Variants in CCDC158 observed in about 807,000 individuals in gnomAD.
The protein encoded by CCDC158 is coiled-coil domain-containing protein 158.
In CCDC158, 116 loss-of-function variants were observed where a neutral mutation model predicts 138.6. That is an observed-to-expected ratio of 0.84 (90% CI 0.72 to 0.98). CCDC158 has a LOEUF of 0.98. CCDC158 is among the 50% of genes least tolerant of loss of function. The pLI, the probability that CCDC158 is intolerant of heterozygous loss-of-function variation, is 0.00. For synonymous variants in CCDC158, 436 were observed against 442.4 expected, an observed-to-expected ratio of 0.99 and a Z score of 0.18; for missense variants, 1,265 against 1,306.1, an observed-to-expected ratio of 0.97 and a Z score of 0.48.
chr4:76,371,442 A>G lies in CCDC158; in HGVS notation c.1124T>C (p.Leu375Ser). The change falls in exon 10 of 25, where the codon TTA (leucine) becomes TCA (serine). Residue 375 changes from leucine to serine, a missense_variant. Leu to Ser is a moderately radical substitution (Grantham distance 145). Transcript: ENST00000682701. ...CAACAGCTTTTGAAGTTGATCATCT[A>G]AATTTCCAGATTCCTGACTGAATTG... ...RDQFSQESGNLDDQLQKLLAD... is the reference protein window; with the variant it reads ...RDQFSQESGNSDDQLQKLLAD... 6.2e-7 allele frequency: 1 copy of G among 1,614,106 alleles called. No homozygotes were observed. The highest frequency in any genetic ancestry group is 8.5e-7 in the Non-Finnish European group (1 of 1,179,980).
At position 76,403,221 on chromosome 4, in the gene CCDC158, ACTT is replaced by A; in HGVS notation, c.-17_-15del. On this transcript the variant is annotated 5_prime_UTR_variant, in exon 3 of 25. Transcript: ENST00000682701. ...TTTTGATTCCATATTAAATATTGCTACTTCTTATTAGAGATCTTGAAGTATGAA... is the reference window on the plus strand; with the variant it reads ...TTTTGATTCCATATTAAATATTGCTACTTATTAGAGATCTTGAAGTATGAA... 2 of 1,551,422 alleles carry A rather than the reference ACTT, an allele frequency of 1.3e-6. No individual in the cohort carries two copies. Among genetic ancestry groups the A allele is most frequent in the East Asian group, 2.3e-5 (1 of 43,990 alleles).
chr4:76,354,232 G>GCA (rs1723322071), intron 15 of CCDC158, among the ~76,000 whole-genome samples: 1 of 26,276 alleles, frequency 3.8e-5, no homozygotes, highest in African/African-American at 1.8e-4. Flanking sequence ...GTTCCCAAAG[G>GCA]CAAAAAAAAA....
intron 22 of CCDC158, among the ~76,000 whole-genome samples, 162 bp downstream of exon 22, chr4:76,328,738 T>A (rs1212913134): frequency 6.6e-6 from 1 of 152,126 alleles, no homozygotes; most frequent in African/African-American, 2.4e-5. Context: ...AAGGAACAGT[T>A]TGAGAGTGGA....
intron 15 of CCDC158, 100 bp from the exon 16 acceptor site, chr4:76,353,381 G>C (rs1723238960): frequency 2.2e-6 from 2 of 912,372 alleles, no homozygotes; most frequent in Admixed American, 3.1e-5. Flanking sequence ...CCCTGAACTA[G>C]GTAAGTTTAA....
intron 13 of CCDC158, among the ~76,000 whole-genome samples, chr4:76,361,870 C>G (rs1042707185): frequency 8.5e-5 from 13 of 152,182 alleles, no homozygotes; most frequent in African/African-American, 3.1e-4. Context: ...ACACCTCACA[C>G]TTCTCTTAGA....
In CCDC158 at chr4:76,367,424, A is replaced by C. The variant is rs541344372; in HGVS notation, c.1700T>G (p.Leu567Arg). The change falls in exon 12 of 25, where the codon CTG (leucine) becomes CGG (arginine). Residue 567 changes from leucine to arginine, a missense_variant. By Grantham distance (102) the Leu-to-Arg change is moderately radical (BLOSUM62 -2). Transcript: ENST00000682701. ...TGTCATGTTCTCAATCTGCTGTCGCAGAATCTCGATCACCTTGTCCTTCTC... is the reference window on the plus strand; with the variant it reads ...TGTCATGTTCTCAATCTGCTGTCGCCGAATCTCGATCACCTTGTCCTTCTC... ...MTEKDKVIEI[L>R]RQQIENMTQL... 1.2e-6 allele frequency: 2 copies of C among 1,614,240 alleles called. No homozygotes were observed. The highest frequency in any genetic ancestry group is 1.3e-5 in the African/African-American group (1 of 75,058).
chr4:76,349,440 G>A (rs1722855563), intron 18 of CCDC158, among the ~76,000 whole-genome samples: 1 of 152,170 alleles, frequency 6.6e-6, no homozygotes, highest in Admixed American at 6.5e-5. Flanking sequence ...AGGCCAAGGT[G>A]GGAGGATTGC....
chr4:76,359,526 G>A (rs1723926122), intron 13 of CCDC158, among the ~76,000 whole-genome samples: 1 of 152,196 alleles, frequency 6.6e-6, no homozygotes, highest in South Asian at 2.1e-4. Context: ...AGTCTCAGAT[G>A]GAGATGAGGA....
chr4:76,401,825 C>T (rs1476818048), intron 3 of CCDC158, among the ~76,000 whole-genome samples: 1 of 151,976 alleles, frequency 6.6e-6, no homozygotes, highest in Non-Finnish European at 1.5e-5. Context: ...AGGGACAACC[C>T]GTGATCTAAG....
chr4:76,381,608 A>G (rs932716664), intron 8 of CCDC158, among the ~76,000 whole-genome samples: 6 of 152,226 alleles, frequency 3.9e-5, no homozygotes, highest in African/African-American at 1.4e-4. Flanking sequence ...TTTGTCTCAG[A>G]TGAGACTTTG....
chr4:76,330,993 T>A (rs1162919599), intron 21 of CCDC158, among the ~76,000 whole-genome samples: 1 of 152,212 alleles, frequency 6.6e-6, no homozygotes, highest in Non-Finnish European at 1.5e-5. Flanking sequence ...TAGGTGGCAG[T>A]CATTATGCTT....
chr4:76,375,463 G>C (rs893002689), intron 9 of CCDC158: 2 of 628,580 alleles, frequency 3.2e-6, no homozygotes, highest in African/African-American at 3.7e-5. Context: ...GAACTATGCA[G>C]AGGTTTGCAC....
intron 18 of CCDC158, among the ~76,000 whole-genome samples, chr4:76,340,004 TTC>T (rs1343455600): frequency 3.9e-5 from 6 of 152,192 alleles, no homozygotes; most frequent in Non-Finnish European, 8.8e-5. Context: ...CTCCAGAGAT[TTC>T]TTTTAGAAAA....
At chr4:76,374,326 A>T (rs1015564510) in intron 9 of CCDC158, among the ~76,000 whole-genome samples, 1 of 152,248 alleles carries the variant, frequency 6.6e-6, no homozygotes, top group Non-Finnish European at 1.5e-5. Context: ...AGGAAAGACT[A>T]AATCAGTACA....
At chr4:76,332,405 T>G (rs750497598) in intron 20 of CCDC158, 27 bp downstream of exon 20, 6 of 1,580,026 alleles carry the variant, frequency 3.8e-6, no homozygotes, top group Non-Finnish European at 5.2e-6. Flanking sequence ...ACAATTAATT[T>G]GATTCAGAAT....
At chr4:76,350,578 T>G (rs1722952406) in intron 18 of CCDC158, among the ~76,000 whole-genome samples, 1 of 152,192 alleles carries the variant, frequency 6.6e-6, no homozygotes, top group African/African-American at 2.4e-5. Context: ...TTCTAATATT[T>G]TAATTAAAGG....
chr4:76,396,822 C>T (rs957846644), intron 3 of CCDC158, among the ~76,000 whole-genome samples: 4 of 152,118 alleles, frequency 2.6e-5, no homozygotes, highest in African/African-American at 9.7e-5. Flanking sequence ...CATGAGCCAC[C>T]ACGCCTGGCC....
chr4:76,327,033 T>C (rs557666657), intron 22 of CCDC158, among the ~76,000 whole-genome samples: 2 of 152,226 alleles, frequency 1.3e-5, no homozygotes, highest in African/African-American at 4.8e-5. Flanking sequence ...ATATGACAAT[T>C]GTATGAAAGT....
intron 15 of CCDC158, among the ~76,000 whole-genome samples, chr4:76,355,002 G>A (rs1723405441): frequency 6.6e-6 from 1 of 152,080 alleles, no homozygotes; most frequent in Non-Finnish European, 1.5e-5. Context: ...AAGCCCTGTG[G>A]TTTTTATTAC....
Sources: gnomAD v4.1 joint callset for allele counts (sites outside exome capture counted in the v4.1 genomes callset) on GRCh38, gnomAD v4.1.1 for gene constraint, MANE v1.5 for transcripts, NCBI Gene and HGNC (gene_info 2026-07-23, HGNC 2026-07-21) for gene names.